Variants in ZMAT4 observed in about 807,000 individuals in gnomAD.
ZMAT4 encodes the protein zinc finger matrin-type 4.
ZMAT4 carries 17 observed loss-of-function variants against 28.7 expected under a neutral mutation model. That is an observed-to-expected ratio of 0.59 (90% CI 0.41 to 0.89). The LOEUF (loss-of-function observed/expected upper bound fraction) is 0.89. ZMAT4 is among the 40% of genes least tolerant of loss of function. The pLI is 0.00. For missense variants in ZMAT4, 240 were observed against 283.8 expected, an observed-to-expected ratio of 0.85 and a Z score of 1.11; for synonymous variants, 117 against 109.2, an observed-to-expected ratio of 1.07 and a Z score of -0.44.
intron 5 of ZMAT4, among the ~76,000 whole-genome samples, chr8:40,631,385 T>A (rs1350517179): frequency 6.6e-6 from 1 of 152,188 alleles, no homozygotes; most frequent in Non-Finnish European, 1.5e-5. Flanking sequence ...CTCAAACTCC[T>A]GACCTCAGGT....
In ZMAT4 at chr8:40,559,391, C is replaced by T. The variant is rs74676880; in HGVS notation, c.674+21774G>A. Among the ~76,000 whole-genome samples the T allele has an allele frequency of 2.7e-3, 415 of 152,244 alleles. 3 individuals carry two copies. Among genetic ancestry groups the T allele is most frequent in the African/African-American group, 9.1e-3 (378 of 41,554 alleles). On this transcript the variant is annotated intron_variant, in intron 6 of 6. Transcript: ENST00000297737. ...CATGCATGTTTGTTCAGTATGCATG[C>T]ATCATACTGAACCCCTTCATGAATA...
chr8:40,658,935 AGAT>A (rs1404807319), intron 5 of ZMAT4, among the ~76,000 whole-genome samples: 1 of 152,138 alleles, frequency 6.6e-6, no homozygotes, highest in African/African-American at 2.4e-5. Flanking sequence ...GTCTTCAAGT[AGAT>A]GATTTTTATA....
intron 2 of ZMAT4, 119 bp from the exon 3 acceptor site, chr8:40,767,849 A>C: frequency 9.2e-6 from 7 of 763,994 alleles, no homozygotes; most frequent in East Asian, 8.3e-5. Flanking sequence ...ACACTTCTGC[A>C]TACTCCTGTG....
chr8:40,823,521 TG>T (rs1815906311), intron 2 of ZMAT4, among the ~76,000 whole-genome samples: 1 of 152,036 alleles, frequency 6.6e-6, no homozygotes, highest in Non-Finnish European at 1.5e-5. Context: ...TAGCCAGGTG[TG>T]GTGTCACGCG....
chr8:40,801,351 A>AAATATATATATATATATATAT (rs370796453), intron 2 of ZMAT4, among the ~76,000 whole-genome samples: 6 of 97,252 alleles, frequency 6.2e-5, no homozygotes, highest in African/African-American at 2.2e-4. Context: ...TAAAAAAAAA[A>AAATATATATATATATATATAT]ATATATATAT....
chr8:40,828,879 C>T (rs892700484), intron 1 of ZMAT4, among the ~76,000 whole-genome samples: 2 of 152,136 alleles, frequency 1.3e-5, no homozygotes, highest in Non-Finnish European at 2.9e-5. Context: ...CACTTGCTCC[C>T]CTCCCCTGGT....
intron 3 of ZMAT4, among the ~76,000 whole-genome samples, chr8:40,748,635 T>A (rs1812334781): frequency 6.6e-6 from 1 of 152,194 alleles, no homozygotes; most frequent in Non-Finnish European, 1.5e-5. Flanking sequence ...AACACCATAT[T>A]TTTTTACTCT....
intron 5 of ZMAT4, among the ~76,000 whole-genome samples, chr8:40,621,427 A>G (rs1806193217): frequency 6.6e-6 from 1 of 152,188 alleles, no homozygotes; most frequent in Non-Finnish European, 1.5e-5. Flanking sequence ...GCTGGTGCTA[A>G]TGAGCCCAAA....
intron 2 of ZMAT4, among the ~76,000 whole-genome samples, chr8:40,808,839 T>G (rs1815198955): frequency 7.1e-6 from 1 of 141,808 alleles, no homozygotes; most frequent in Admixed American, 7.3e-5. Context: ...TTATCCTGGA[T>G]GCCAACTATT....
intron 1 of ZMAT4, among the ~76,000 whole-genome samples, chr8:40,887,676 T>A (rs1220630471): frequency 1.3e-5 from 2 of 152,054 alleles, no homozygotes; most frequent in Non-Finnish European, 2.9e-5. Context: ...GCAGAGCAAT[T>A]GCATTCTCAA....
rs766231032 is a variant in ZMAT4, at chr8:40,897,202, A to C, written c.-5+481T>G. Reference sequence around the variant, plus strand: ...GAACTGAGACAGGCAGGAAGGAGGCAGAAGTTTGAGGAAGGACTCCAGTTG... The same window carrying C: ...GAACTGAGACAGGCAGGAAGGAGGCCGAAGTTTGAGGAAGGACTCCAGTTG... On this transcript the variant is annotated intron_variant, in intron 1 of 6. Transcript: ENST00000297737. 4.6e-5 allele frequency among the ~76,000 whole-genome samples: 7 copies of C among 152,238 alleles called. No individual in the cohort carries two copies. The East Asian group carries it at 1.4e-3, about 29-fold the overall frequency.
intron 5 of ZMAT4, among the ~76,000 whole-genome samples, chr8:40,604,633 T>G (rs987419695): frequency 6.6e-6 from 1 of 152,232 alleles, no homozygotes; most frequent in Non-Finnish European, 1.5e-5. Context: ...GGTATTTTTT[T>G]GAGGATTTTT....
chr8:40,555,694 T>C (rs566614739), intron 6 of ZMAT4, among the ~76,000 whole-genome samples: 1 of 152,274 alleles, frequency 6.6e-6, no homozygotes, highest in Non-Finnish European at 1.5e-5. Flanking sequence ...ACTCCTCTTG[T>C]GACTGATCAT....
intron 6 of ZMAT4, among the ~76,000 whole-genome samples, chr8:40,554,346 A>C (rs1165327631): frequency 6.6e-6 from 1 of 152,130 alleles, no homozygotes; most frequent in African/African-American, 2.4e-5. Context: ...AATTAACTAA[A>C]GAGTTAATTA....
intron 5 of ZMAT4, among the ~76,000 whole-genome samples, chr8:40,659,927 T>C (rs1808111009): frequency 1.3e-5 from 2 of 152,210 alleles, no homozygotes; most frequent in South Asian, 4.1e-4. Flanking sequence ...TATTGAGTGA[T>C]AGATGCCTTT....
chr8:40,761,413 C>G (rs1247012745), intron 3 of ZMAT4, among the ~76,000 whole-genome samples: 1 of 152,140 alleles, frequency 6.6e-6, no homozygotes, highest in Non-Finnish European at 1.5e-5. Context: ...AGGCTTTGCA[C>G]AGCAGGCAGC....
chr8:40,734,412 G>A (rs556029444), intron 3 of ZMAT4, among the ~76,000 whole-genome samples: 6 of 152,250 alleles, frequency 3.9e-5, no homozygotes, highest in Middle Eastern at 3.4e-3. Context: ...AATTGACTTC[G>A]TGAGACTTTA....
At chr8:40,534,889 G>A (rs1261891892) in intron 6 of ZMAT4, among the ~76,000 whole-genome samples, 3 of 152,026 alleles carry the variant, frequency 2.0e-5, no homozygotes, top group Admixed American at 2.0e-4. Context: ...TGCCATGTTG[G>A]CCATGCTGGT....
chr8:40,595,338 G>A (rs1407905219), intron 5 of ZMAT4, among the ~76,000 whole-genome samples: 1 of 152,032 alleles, frequency 6.6e-6, no homozygotes, highest in Non-Finnish European at 1.5e-5. Context: ...ACATACACGT[G>A]TATAAATGTA....
Sources: gnomAD v4.1 joint callset for allele counts (sites outside exome capture counted in the v4.1 genomes callset) on GRCh38, gnomAD v4.1.1 for gene constraint, MANE v1.5 for transcripts, NCBI Gene and HGNC (gene_info 2026-07-23, HGNC 2026-07-21) for gene names.